CDKN2A: variants seen among roughly 807,000 people sequenced by gnomAD.
CDKN2A encodes cyclin-dependent kinase inhibitor 2A.
A neutral mutation model predicts 11.1 loss-of-function variants in CDKN2A; 3 were observed. The ratio of observed to expected loss-of-function variants is 0.27; its 90% CI spans 0.12 to 0.70. CDKN2A has a LOEUF of 0.70. Among genes scored for constraint, CDKN2A ranks in the 30% least tolerant of loss-of-function variants. The pLI, the probability that CDKN2A is intolerant of heterozygous loss-of-function variation, is 0.77. For synonymous variants in CDKN2A, 122 were observed against 108.1 expected, an observed-to-expected ratio of 1.13 and a Z score of -0.80; for missense variants, 265 against 233.6, an observed-to-expected ratio of 1.13 and a Z score of -0.88.
upstream of CDKN2A, among the ~76,000 whole-genome samples, chr9:21,976,378 CAAAA>C (rs71336505): frequency 2.9e-4 from 36 of 124,184 alleles, no homozygotes; most frequent in Admixed American, 7.4e-4. Flanking sequence ...GACTCCGACT[CAAAA>C]AAAAAAAAAA....
chr9:21,968,666 T>C lies in CDKN2A; in HGVS notation c.458-424A>G. 2 of 1,535,404 alleles carry C rather than the reference T, an allele frequency of 1.3e-6. No homozygotes were observed. The highest frequency in any genetic ancestry group is 2.4e-5 in the South Asian group (2 of 84,024). Reference sequence around the variant, plus strand: ...CTGGTGCGGAGTGAGCCAGCCAGCTTGCGATAACCAAAGGGCGCCTCAGGC... The same window carrying C: ...CTGGTGCGGAGTGAGCCAGCCAGCTCGCGATAACCAAAGGGCGCCTCAGGC... On this transcript the variant is annotated intron_variant, in intron 2 of 2. Coordinates refer to ENST00000304494, the MANE Select transcript of CDKN2A (RefSeq NM_000077.5). The surrounding 1 kb of genome is among the most constrained non-coding windows in gnomAD (Gnocchi z 4.7).
At position 21,974,312 on chromosome 9, in the gene CDKN2A, G is replaced by A; in HGVS notation, c.150+366C>T. 1.8e-5 allele frequency: 19 copies of A among 1,027,494 alleles called. No individual in the cohort carries two copies. The highest frequency in any genetic ancestry group is 2.5e-5 in the Non-Finnish European group (19 of 750,088). The allele number at this position is 1,027,494 out of a possible 1,614,324, so 63.6% of individuals were successfully genotyped here. A position where few individuals can be genotyped will look rare whatever the true frequency, so the allele number is the denominator to read the frequency against. On this transcript the variant is annotated intron_variant, in intron 1 of 2. Coordinates refer to ENST00000304494, the MANE Select transcript of CDKN2A (RefSeq NM_000077.5). This position sits in a 1 kb window ranked among gnomAD's most constrained non-coding sequence, Gnocchi z 5.2. ...GCTCCATCCAGGTATCTGTGAATTG[G>A]AGGCTAAGTAGTCCCAGCACATCTT... is the stretch of plus-strand genomic sequence containing the variant.
At chr9:21,981,768 C>G (rs747513688) in intron 2 of CDKN2A, among the ~76,000 whole-genome samples, 1 of 151,868 alleles carries the variant, frequency 6.6e-6, no homozygotes, top group Non-Finnish European at 1.5e-5. Flanking sequence ...TTCTGATAAT[C>G]GAGTCCAATG....
chr9:21,982,996 C>T (rs748679314), intron 2 of CDKN2A, among the ~76,000 whole-genome samples: 1 of 152,078 alleles, frequency 6.6e-6, no homozygotes, highest in East Asian at 1.9e-4. Context: ...ATAATTTATC[C>T]AGTACATTGT....
intron 2 of CDKN2A, chr9:21,969,893 T>G (rs992403641): frequency 1.3e-5 from 5 of 397,252 alleles, no homozygotes; most frequent in Middle Eastern, 6.2e-4. Flanking sequence ...ATTTACAGCA[T>G]CTCCAAGCAG....
chr9:21,983,907 A>G (rs1337624460), intron 2 of CDKN2A, among the ~76,000 whole-genome samples: 1 of 152,022 alleles, frequency 6.6e-6, no homozygotes, highest in Non-Finnish European at 1.5e-5. Flanking sequence ...GTGGGCTTGA[A>G]TAAGTTATGT....
rs1187502054 is a variant in CDKN2A, at chr9:21,995,094, C to T, written c.-449G>A. On this transcript the variant is annotated 5_prime_UTR_variant, in exon 1 of 4. Coordinates refer to the CDKN2A transcript ENST00000494262. The surrounding 1 kb of genome is among the most constrained non-coding windows in gnomAD (Gnocchi z 5.7). ...AAACTAAACCGCTGCACGCCTCTGA[C>T]GCGACATCTGGACACGGCGCGGCGC... 2.0e-5 allele frequency: 3 copies of T among 152,204 alleles called. No homozygotes were observed. Among genetic ancestry groups the T allele is most frequent in the Admixed American group, 6.5e-5 (1 of 15,288 alleles). The allele number at this position is 152,204 out of a possible 1,614,324, so 9.4% of individuals were successfully genotyped here.
At chr9:21,976,798 C>T (rs1363582205), upstream of CDKN2A, among the ~76,000 whole-genome samples, 1 of 152,156 alleles carries the variant, frequency 6.6e-6, no homozygotes, top group Non-Finnish European at 1.5e-5. Flanking sequence ...CCTCCACCAC[C>T]CTCACTTACA....
rs58206096 is a variant in CDKN2A, at chr9:21,991,295, G to GTT, written c.-4+2585_-4+2586dup. ...CATACACTTTCTTAAAGTATCATGA[G>GTT]TTTTTTTTTTTTTTTAAGCTCATCA... is the stretch of plus-strand genomic sequence containing the variant. On this transcript the variant is annotated intron_variant, in intron 2 of 3. Coordinates refer to the CDKN2A transcript ENST00000494262. The surrounding 1 kb of genome is among the most constrained non-coding windows in gnomAD (Gnocchi z 5.2). Among the ~76,000 whole-genome samples, 27 of 141,388 alleles carry GTT rather than the reference G, an allele frequency of 1.9e-4. No individual in the cohort carries two copies. The highest frequency in any genetic ancestry group is 2.8e-4 in the African/African-American group (11 of 38,994). The allele number at this position is 141,388 out of a possible 152,430, so 92.8% of individuals were successfully genotyped here.
chr9:21,994,353 G>C, intron 1 of CDKN2A: 1 of 1,606,790 alleles, frequency 6.2e-7, no homozygotes, highest in Non-Finnish European at 8.5e-7. Context: ...CTCCAGGGCC[G>C]AGCTCGGCAG....
rs2131108305 is a variant in CDKN2A at position 21,974,375 on chromosome 9, G to A, written c.150+303C>T. 3 of 1,540,962 alleles carry A rather than the reference G, an allele frequency of 1.9e-6. No homozygotes were observed. Among genetic ancestry groups the A allele is most frequent in the South Asian group, 1.2e-5 (1 of 86,544 alleles). ...GACTCCCTTTTTATCCCAAACGTTC[G>A]TAAATTTTGTATCTGATAAAGAGCA... On this transcript the variant is annotated intron_variant, in intron 1 of 2. Transcript: ENST00000304494. The surrounding 1 kb of genome is among the most constrained non-coding windows in gnomAD (Gnocchi z 5.2).
intron 2 of CDKN2A, among the ~76,000 whole-genome samples, chr9:21,984,440 T>C (rs758458239): frequency 6.6e-6 from 1 of 152,008 alleles, no homozygotes; most frequent in East Asian, 1.9e-4. Flanking sequence ...AACTGAGGAA[T>C]TGCAAAATTT....
rs2131109747 is a variant in CDKN2A, at chr9:21,974,507, C to A, written c.150+171G>T. On this transcript the variant is annotated intron_variant, in intron 1 of 2. Transcript: ENST00000304494. This position sits in a 1 kb window ranked among gnomAD's most constrained non-coding sequence, Gnocchi z 5.2. The stretch of plus-strand genomic sequence containing the variant: ...CCTCTTCCTTGGCTTCCCAAGCCCC[C>A]AGGGCGTCGCCAGGAGGAGGTCTGT... The A allele has an allele frequency of 6.2e-7, 1 of 1,613,098 alleles. No homozygotes were observed. Among genetic ancestry groups the A allele is most frequent in the Non-Finnish European group, 8.5e-7 (1 of 1,179,882 alleles).
chr9:21,983,422 T>G (rs993057677), intron 2 of CDKN2A, among the ~76,000 whole-genome samples: 2 of 152,068 alleles, frequency 1.3e-5, no homozygotes, highest in African/African-American at 4.8e-5. Flanking sequence ...TTTTCCAAAC[T>G]TCTCCAAAAA....
rs1819906016 is a variant in CDKN2A, at chr9:21,974,113, C to T, written c.150+565G>A. Among the ~76,000 whole-genome samples the T allele has an allele frequency of 6.6e-6, 1 of 152,206 alleles. No individual in the cohort carries two copies. The highest frequency in any genetic ancestry group is 1.5e-5 in the Non-Finnish European group (1 of 68,038). ...ACCTGTTGGCCAGGCTGGTCTCGAA[C>T]TCCCGACCTCAGGTGATTCCCCCCG... On this transcript the variant is annotated intron_variant, in intron 1 of 2. Transcript: ENST00000304494. The surrounding 1 kb of genome is among the most constrained non-coding windows in gnomAD (Gnocchi z 5.2).
chr9:21,984,030 G>A (rs796940984), intron 2 of CDKN2A, among the ~76,000 whole-genome samples: 4 of 151,866 alleles, frequency 2.6e-5, no homozygotes, highest in Non-Finnish European at 4.4e-5. Context: ...CCGGGTGCAC[G>A]GTAGGCTCTC....
chr9:21,970,739 C>A (rs1819667358), intron 2 of CDKN2A, 163 bp downstream of exon 2: 1 of 844,362 alleles, frequency 1.2e-6, no homozygotes, highest in Non-Finnish European at 1.9e-6. Flanking sequence ...GCCGCCCTGG[C>A]GGGGCAGGGC....
At chr9:21,994,576 T>C (rs978853750) in intron 1 of CDKN2A, 1 of 906,930 alleles carries the variant, frequency 1.1e-6, no homozygotes, top group Non-Finnish European at 1.5e-6. Flanking sequence ...CTCTGAGCCC[T>C]GCGCACGCGG....
In CDKN2A at chr9:21,968,429, C is replaced by T; in HGVS notation, c.458-187G>A. ...CACCTCCCTGGTCCAGCAGCTAGTCCACTGCCCGCCTGGCTGCTCCAGGCG... is the reference window on the plus strand; with the variant it reads ...CACCTCCCTGGTCCAGCAGCTAGTCTACTGCCCGCCTGGCTGCTCCAGGCG... On this transcript the variant is annotated intron_variant, in intron 2 of 2. Transcript: ENST00000304494. This position sits in a 1 kb window ranked among gnomAD's most constrained non-coding sequence, Gnocchi z 4.7. The T allele has an allele frequency of 6.6e-7, 1 of 1,505,562 alleles. No individual in the cohort carries two copies. Among genetic ancestry groups the T allele is most frequent in the Non-Finnish European group, 8.9e-7 (1 of 1,128,382 alleles). 93.3% of individuals were successfully genotyped at this position (1,505,562 alleles called of 1,614,324 possible).
Sources: allele counts gnomAD v4.1 joint callset (sites outside exome capture counted in the v4.1 genomes callset), GRCh38; gene constraint gnomAD v4.1.1; non-coding constraint Gnocchi (gnomAD v3.1); transcripts MANE v1.5; gene names NCBI Gene and HGNC (gene_info 2026-07-23, HGNC 2026-07-21).